The following DMD variants were observed in gnomAD, a reference collection of about 807,000 sequenced individuals.
DMD encodes mutant dystrophin.
DMD carries 63 observed loss-of-function variants against 330.1 expected under a neutral mutation model. The observed-to-expected ratio is 0.19, with a 90% CI of 0.16 to 0.24. DMD has a LOEUF of 0.24. DMD is among the 10% of genes least tolerant of loss of function. The pLI, the probability that DMD is intolerant of heterozygous loss-of-function variation, is 1.00. For missense variants in DMD, 3,344 were observed against 2,684.1 expected, an observed-to-expected ratio of 1.25 and a Z score of -5.43; for synonymous variants, 1,223 against 959.8, an observed-to-expected ratio of 1.27 and a Z score of -5.07.
chrX:32,073,319 T>C (rs1408391383), intron 44 of DMD, among the ~76,000 whole-genome samples: 2 of 111,775 alleles, frequency 1.8e-5, no homozygotes, highest in Non-Finnish European at 3.8e-5. Flanking sequence ...GGCAAATTAC[T>C]ATATGTGAGC....
At chrX:33,113,475 C>T (rs1165489158) in intron 1 of DMD, among the ~76,000 whole-genome samples, 1 of 111,833 alleles carries the variant, frequency 8.9e-6, no homozygotes, top group East Asian at 2.8e-4. Context: ...AGTTGGTCTC[C>T]CAATAAATTT....
At chrX:32,441,993 G>C (rs2098283093) in intron 27 of DMD, among the ~76,000 whole-genome samples, 1 of 110,372 alleles carries the variant, frequency 9.1e-6, no homozygotes, top group Admixed American at 9.7e-5. Context: ...TCAAAGGTTT[G>C]ATTATTTTAA....
intron 44 of DMD, among the ~76,000 whole-genome samples, chrX:32,147,300 T>TA (rs2096782541): frequency 8.9e-6 from 1 of 111,965 alleles, no homozygotes; most frequent in Admixed American, 9.5e-5. Context: ...AGATAGCTAA[T>TA]AAATCACAAA....
rs1240794506 is a variant in DMD, at chrX:31,812,567, T to TA, written c.7309+7407dup. Among the ~76,000 whole-genome samples the TA allele has an allele frequency of 6.4e-5, 7 of 109,819 alleles. 1 individual carries two copies. The highest frequency in any genetic ancestry group is 1.7e-4 in the African/African-American group (5 of 30,205). On this transcript the variant is annotated intron_variant, in intron 50 of 78. Coordinates refer to ENST00000357033, the MANE Select transcript of DMD (RefSeq NM_004006.3). ...ATGTACCCTAAAACTTAAAGTATAATAAAAAAAAGTTAAGCAAAAATAAAT... is the reference window on the plus strand; with the variant it reads ...ATGTACCCTAAAACTTAAAGTATAATAAAAAAAAAGTTAAGCAAAAATAAAT...
chrX:32,529,379 C>CTT lies in DMD; in HGVS notation c.2169-11250_2169-11249dup, dbSNP rs777955346. Among the ~76,000 whole-genome samples, 62 of 31,036 alleles carry CTT rather than the reference C, an allele frequency of 2.0e-3. 15 individuals are homozygous for CTT. Among genetic ancestry groups the CTT allele is most frequent in the African/African-American group, 4.9e-3 (34 of 6,915 alleles). The allele number at this position is 31,036 out of a possible 115,157, so 27.0% of individuals were successfully genotyped here. A position where few individuals can be genotyped will look rare whatever the true frequency, so the allele number is the denominator to read the frequency against. On this transcript the variant is annotated intron_variant, in intron 17 of 78. Coordinates refer to ENST00000357033, the MANE Select transcript of DMD (RefSeq NM_004006.3). The stretch of plus-strand genomic sequence containing the variant: ...CGAATTCCACCTTGGCAAAAATCAA[C>CTT]TTTTTTTTTTTTTTTTTTTTTTTTT...
Position 33,270,400 on chromosome X carries a change from C to T in DMD, c.7+68859G>A, listed in dbSNP as rs142606240. On this transcript the variant is annotated intron_variant, in intron 1 of 17. Transcript: ENST00000288447. ...CTCTACCCTGAGACACACCTGAGACCACCCTAAAAATCACCAGGGCTGAGA... is the reference window on the plus strand; with the variant it reads ...CTCTACCCTGAGACACACCTGAGACTACCCTAAAAATCACCAGGGCTGAGA... Among the ~76,000 whole-genome samples, 629 of 111,117 alleles carry T rather than the reference C, an allele frequency of 5.7e-3. 3 individuals carry two copies. Among genetic ancestry groups the T allele is most frequent in the African/African-American group, 0.02 (611 of 30,543 alleles).
chrX:32,571,593 C>G (rs2149126105), intron 15 of DMD, among the ~76,000 whole-genome samples: 1 of 112,099 alleles, frequency 8.9e-6, no homozygotes, highest in South Asian at 3.7e-4. Context: ...GAATCAATAA[C>G]TAGTCATGAA....
intron 44 of DMD, among the ~76,000 whole-genome samples, chrX:31,987,815 C>G (rs1045317815): frequency 1.8e-5 from 2 of 111,829 alleles, no homozygotes; most frequent in African/African-American, 6.5e-5. Context: ...AACTACCATA[C>G]GATACAGCAA....
chrX:32,684,667 T>TA (rs1276681618), intron 9 of DMD, among the ~76,000 whole-genome samples: 1 of 111,599 alleles, frequency 9.0e-6, no homozygotes, highest in Non-Finnish European at 1.9e-5. Context: ...ATCTGGTAGT[T>TA]AAAAATAATT....
chrX:31,344,040 G>C (rs184655971), intron 61 of DMD, among the ~76,000 whole-genome samples: 1,444 of 101,670 alleles, frequency 0.014, 16 homozygotes, highest in Non-Finnish European at 0.021. Context: ...TGGAGTGCGG[G>C]GGGGGGTGGA....
intron 17 of DMD, among the ~76,000 whole-genome samples, chrX:32,523,037 C>T (rs971016586): frequency 3.6e-5 from 4 of 111,900 alleles, no homozygotes; most frequent in African/African-American, 6.5e-5. Flanking sequence ...GAAACTCAAA[C>T]GTGCCTCAAG....
chrX:31,623,005 A>G (rs1369853435), intron 55 of DMD, among the ~76,000 whole-genome samples: 2 of 108,184 alleles, frequency 1.8e-5, no homozygotes, highest in Non-Finnish European at 3.8e-5. Flanking sequence ...TTAGACAACA[A>G]TCAAAATAGA....
intron 51 of DMD, among the ~76,000 whole-genome samples, chrX:31,752,987 G>A (rs2088721309): frequency 8.9e-6 from 1 of 112,210 alleles, no homozygotes; most frequent in Non-Finnish European, 1.9e-5. Flanking sequence ...GTGGTGCAGA[G>A]GGAGAGGGAA....
At chrX:31,427,754 A>G (rs137899631) in intron 60 of DMD, among the ~76,000 whole-genome samples, 22 of 111,500 alleles carry the variant, frequency 2.0e-4, no homozygotes, top group South Asian at 7.6e-4. Flanking sequence ...GGGATGGGCA[A>G]TGTATCTCAT....
At position 33,315,250 on chromosome X, in the gene DMD, A is replaced by C. The variant is rs765679611; in HGVS notation, c.7+24009T>G. Reference sequence around the variant, plus strand: ...AGTAAACTTTGCCTTTTTATGGTAAAATATTAACTTAACGGGACTGGGTTG... The same window carrying C: ...AGTAAACTTTGCCTTTTTATGGTAACATATTAACTTAACGGGACTGGGTTG... On this transcript the variant is annotated intron_variant, in intron 1 of 17. Coordinates refer to the DMD transcript ENST00000288447. Among the ~76,000 whole-genome samples, 4 of 112,520 alleles carry C rather than the reference A, an allele frequency of 3.6e-5. No homozygotes were observed. In the East Asian group the frequency reaches 1.1e-3, roughly 32 times the overall value.
chrX:32,733,095 A>G (rs987962487), intron 7 of DMD, among the ~76,000 whole-genome samples: 3 of 107,867 alleles, frequency 2.8e-5, no homozygotes, highest in African/African-American at 1.0e-4. Flanking sequence ...AAAACAAAAA[A>G]AGGCAGGGGT....
At chrX:31,476,989 T>C (rs185751988) in intron 59 of DMD, among the ~76,000 whole-genome samples, 56 of 111,139 alleles carry the variant, frequency 5.0e-4, no homozygotes, top group African/African-American at 1.7e-3. Flanking sequence ...TGATGATTCA[T>C]TAACTGAAAT....
At chrX:31,414,395 TAAAC>T (rs973698753) in intron 60 of DMD, among the ~76,000 whole-genome samples, 3 of 112,187 alleles carry the variant, frequency 2.7e-5, no homozygotes, top group Non-Finnish European at 3.8e-5. Context: ...GGGGAAAAAT[TAAAC>T]AAAGTGCCAA....
chrX:32,612,654 G>A (rs776834026), intron 12 of DMD, among the ~76,000 whole-genome samples: 2 of 111,218 alleles, frequency 1.8e-5, no homozygotes, highest in Admixed American at 1.9e-4. Flanking sequence ...GTGCCACATC[G>A]GAAAAGCGGT....
Sources: gnomAD v4.1 joint callset for allele counts (sites outside exome capture counted in the v4.1 genomes callset) on GRCh38, gnomAD v4.1.1 for gene constraint, MANE v1.5 for transcripts, NCBI Gene and HGNC (gene_info 2026-07-23, HGNC 2026-07-21) for gene names.